Variants in CD58 observed in about 807,000 individuals in gnomAD.
The protein encoded by CD58 is lymphocyte function-associated antigen 3.
CD58 carries 14 observed loss-of-function variants against 27.6 expected under a neutral mutation model. The observed-to-expected ratio is 0.51, with a 90% CI of 0.34 to 0.79. The LOEUF (loss-of-function observed/expected upper bound fraction) is 0.79. CD58 is among the 30% of genes least tolerant of loss of function. The pLI, the probability that CD58 is intolerant of heterozygous loss-of-function variation, is 0.02. For missense variants in CD58, 268 were observed against 301.7 expected (o/e 0.89, Z 0.83); for synonymous variants, 117 against 103.8 (o/e 1.13, Z -0.77).
rs770492818 is a variant in CD58 at position 116,519,303 on chromosome 1, C to T, written c.707-36G>A. ...AGAAATTGTCTTCTCAATTAAAGAACTGAAAAGAAAAGGTGAAATGTGGAG... is the reference window on the plus strand; with the variant it reads ...AGAAATTGTCTTCTCAATTAAAGAATTGAAAAGAAAAGGTGAAATGTGGAG... On this transcript the variant is annotated intron_variant, in intron 4 of 5. Coordinates refer to ENST00000369489, the MANE Select transcript of CD58 (RefSeq NM_001779.3). This position sits in a 1 kb window ranked among gnomAD's most constrained non-coding sequence, Gnocchi z 4.7. 2 of 1,592,966 alleles carry T rather than the reference C, an allele frequency of 1.3e-6. No homozygotes were observed. Among genetic ancestry groups the T allele is most frequent in the Non-Finnish European group, 1.7e-6 (2 of 1,164,894 alleles).
intron 2 of CD58, among the ~76,000 whole-genome samples, chr1:116,537,002 T>C (rs1248408052): frequency 1.3e-5 from 2 of 152,184 alleles, no homozygotes; most frequent in African/African-American, 4.8e-5. Context: ...ATGGCTATAC[T>C]CCCAGCACTT....
Position 116,521,992 on chromosome 1 carries a change from A to C in CD58, c.629-9T>G, listed in dbSNP as rs1657276763. 1.4e-6 allele frequency: 2 copies of C among 1,431,606 alleles called. No individual in the cohort carries two copies. Among genetic ancestry groups the C allele is most frequent in the Non-Finnish European group, 1.9e-6 (2 of 1,028,486 alleles). 88.7% of individuals were successfully genotyped at this position (1,431,606 alleles called of 1,614,324 possible). A position where few individuals can be genotyped will look rare whatever the true frequency, so the allele number is the denominator to read the frequency against. ...TCTGTGTCTTGAATGACCTATAAAA[A>C]AGAAAAGAAAAGAAATTCAACTAGT... is the stretch of plus-strand genomic sequence containing the variant. On this transcript the variant is annotated splice_polypyrimidine_tract_variant and intron_variant, in intron 3 of 5. Transcript: ENST00000369489. The surrounding 1 kb of genome is among the most constrained non-coding windows in gnomAD (Gnocchi z 5.6).
intron 1 of CD58, among the ~76,000 whole-genome samples, chr1:116,549,306 G>T (rs1242949576): frequency 2.6e-5 from 4 of 152,180 alleles, no homozygotes; most frequent in Non-Finnish European, 5.9e-5. Context: ...CTAACAAGGG[G>T]TTAGGGAAGG....
chr1:116,532,905 A>C lies in CD58; in HGVS notation c.628+3060T>G. ...CCCGCTACAGGCCCGGAGTCGCGAC[A>C]GCCGGTCTGCCAGGCGCCCACCTCC... is the stretch of plus-strand genomic sequence containing the variant. On this transcript the variant is annotated intron_variant, in intron 3 of 5. Coordinates refer to ENST00000369489, the MANE Select transcript of CD58 (RefSeq NM_001779.3). This position sits in a 1 kb window ranked among gnomAD's most constrained non-coding sequence, Gnocchi z 5.1. The C allele has an allele frequency of 1.0e-6, 1 of 993,718 alleles. No individual in the cohort carries two copies. Among genetic ancestry groups the C allele is most frequent in the South Asian group, 1.4e-5 (1 of 73,270 alleles). 61.6% of individuals were successfully genotyped at this position (993,718 alleles called of 1,614,324 possible). A position where few individuals can be genotyped will look rare whatever the true frequency, so the allele number is the denominator to read the frequency against.
Position 116,532,932 on chromosome 1 carries a change from C to T in CD58, c.628+3033G>A. 9.3e-7 allele frequency: 1 copy of T among 1,073,432 alleles called. No homozygotes were observed. The highest frequency in any genetic ancestry group is 1.4e-6 in the Non-Finnish European group (1 of 732,082). The allele number at this position is 1,073,432 out of a possible 1,614,324, so 66.5% of individuals were successfully genotyped here. A position where few individuals can be genotyped will look rare whatever the true frequency, so the allele number is the denominator to read the frequency against. On this transcript the variant is annotated intron_variant, in intron 3 of 5. Coordinates refer to ENST00000369489, the MANE Select transcript of CD58 (RefSeq NM_001779.3). This position sits in a 1 kb window ranked among gnomAD's most constrained non-coding sequence, Gnocchi z 5.1. ...CCGGTCTGCCAGGCGCCCACCTCCA[C>T]TTCCTACTGCTGCTTGCATTCCGCC...
intron 2 of CD58, among the ~76,000 whole-genome samples, chr1:116,542,708 G>A (rs547341452): frequency 2.6e-5 from 4 of 152,152 alleles, no homozygotes; most frequent in Non-Finnish European, 4.4e-5. Flanking sequence ...TGATATTCCC[G>A]AGGACGGCAA....
At chr1:116,540,090 G>C (rs1480930241) in intron 2 of CD58, among the ~76,000 whole-genome samples, 1 of 152,086 alleles carries the variant, frequency 6.6e-6, no homozygotes, top group African/African-American at 2.4e-5. Context: ...ATGTGATGAA[G>C]GTCCATAAAA....
chr1:116,547,825 C>T (rs574381855), intron 1 of CD58, among the ~76,000 whole-genome samples: 1 of 151,982 alleles, frequency 6.6e-6, no homozygotes, highest in African/African-American at 2.4e-5. Flanking sequence ...GGGTAGATAC[C>T]CAGTAATGGG....
In CD58 at chr1:116,536,652, G is replaced by A. The variant is rs915182946; in HGVS notation, c.365-424C>T. 3.3e-5 allele frequency among the ~76,000 whole-genome samples: 5 copies of A among 152,176 alleles called. No homozygotes were observed. Among genetic ancestry groups the A allele is most frequent in the East Asian group, 1.9e-4 (1 of 5,190 alleles). ...TGAAAAAAGTGCTTGCTTCTCCTTC[G>A]CCTTCTGCCATGATTGTAAGTTTCC... On this transcript the variant is annotated intron_variant, in intron 2 of 5. Transcript: ENST00000369489. This position sits in a 1 kb window ranked among gnomAD's most constrained non-coding sequence, Gnocchi z 5.4.
chr1:116,565,491 C>G (rs1483905245), intron 1 of CD58, among the ~76,000 whole-genome samples: 1 of 152,052 alleles, frequency 6.6e-6, no homozygotes, highest in Non-Finnish European at 1.5e-5. Flanking sequence ...GTAATACTAA[C>G]CAGCAGAGGG....
In CD58 at chr1:116,519,306, A is replaced by C; in HGVS notation, c.707-39T>G. On this transcript the variant is annotated intron_variant, in intron 4 of 5. Coordinates refer to ENST00000369489, the MANE Select transcript of CD58 (RefSeq NM_001779.3). The surrounding 1 kb of genome is among the most constrained non-coding windows in gnomAD (Gnocchi z 4.7). ...AATTGTCTTCTCAATTAAAGAACTG[A>C]AAAGAAAAGGTGAAATGTGGAGTTA... 2 of 1,588,384 alleles carry C rather than the reference A, an allele frequency of 1.3e-6. No individual in the cohort carries two copies. Among genetic ancestry groups the C allele is most frequent in the Non-Finnish European group, 8.6e-7 (1 of 1,161,256 alleles).
At chr1:116,551,650 C>G (rs1658397092) in intron 1 of CD58, among the ~76,000 whole-genome samples, 1 of 151,178 alleles carries the variant, frequency 6.6e-6, no homozygotes, top group South Asian at 2.1e-4. Flanking sequence ...CCTTCAAGAA[C>G]TTTTCCTTTG....
In CD58 at chr1:116,531,555, G is replaced by A. The variant is rs976681565; in HGVS notation, c.628+4410C>T. On this transcript the variant is annotated intron_variant, in intron 3 of 5. Transcript: ENST00000369489. The surrounding 1 kb of genome is among the most constrained non-coding windows in gnomAD (Gnocchi z 4.5). ...TTGGGTATTATGTAACACTCAAAAGGTGGAATTAATAAAGGAATGTTTGCT... is the reference window on the plus strand; with the variant it reads ...TTGGGTATTATGTAACACTCAAAAGATGGAATTAATAAAGGAATGTTTGCT... Among the ~76,000 whole-genome samples, 1 of 152,114 alleles carries A rather than the reference G, an allele frequency of 6.6e-6. No individual in the cohort carries two copies. The highest frequency in any genetic ancestry group is 2.4e-5 in the African/African-American group (1 of 41,416).
rs562099011 is a variant in CD58 at position 116,548,230 on chromosome 1, T to A, written c.71-3626A>T. Among the ~76,000 whole-genome samples, 3 of 152,360 alleles carry A rather than the reference T, an allele frequency of 2.0e-5. No individual in the cohort carries two copies. The South Asian group carries it at 6.2e-4, about 32-fold the overall frequency. ...CTTTGTCAGATACATAGTTTGTGAA[T>A]ATTTTCTCCCACTTTGTGGGTTGTG... On this transcript the variant is annotated intron_variant, in intron 1 of 5. Coordinates refer to ENST00000369489, the MANE Select transcript of CD58 (RefSeq NM_001779.3).
In CD58 at chr1:116,563,766, A is replaced by T. The variant is rs1658844783; in HGVS notation, c.70+7137T>A. 6.6e-6 allele frequency among the ~76,000 whole-genome samples: 1 copy of T among 152,206 alleles called. No individual in the cohort carries two copies. The highest frequency in any genetic ancestry group is 1.5e-5 in the Non-Finnish European group (1 of 68,028). ...CAAAGAGCAGGGGGGCCCTGGGTCC[A>T]GCCCATGAAACAATTTTTCCCTCCA... is the stretch of plus-strand genomic sequence containing the variant. On this transcript the variant is annotated intron_variant, in intron 1 of 5. Coordinates refer to ENST00000369489, the MANE Select transcript of CD58 (RefSeq NM_001779.3). This position sits in a 1 kb window ranked among gnomAD's most constrained non-coding sequence, Gnocchi z 4.1.
rs900006876 is a variant in CD58 at position 116,536,505 on chromosome 1, T to A, written c.365-277A>T. ...CCCATGTGTCGAGAGAGGGACCTGG[T>A]GGGAGGTGATTGTACCATGGGGGAT... On this transcript the variant is annotated intron_variant, in intron 2 of 5. Transcript: ENST00000369489. The surrounding 1 kb of genome is among the most constrained non-coding windows in gnomAD (Gnocchi z 5.4). Among the ~76,000 whole-genome samples, 15 of 152,244 alleles carry A rather than the reference T, an allele frequency of 9.9e-5. No individual in the cohort carries two copies. Among genetic ancestry groups the A allele is most frequent in the African/African-American group, 2.6e-4 (11 of 41,562 alleles).
Position 116,551,284 on chromosome 1 carries a change from C to T in CD58, c.71-6680G>A, listed in dbSNP as rs1178915784. ...AGGTTGTTTTGTCTACATTGAAAAT[C>T]TGTTGTTTCATGTATCCTGCACCAG... On this transcript the variant is annotated intron_variant, in intron 1 of 5. Transcript: ENST00000369489. 6.6e-5 allele frequency among the ~76,000 whole-genome samples: 10 copies of T among 152,240 alleles called. No individual in the cohort carries two copies. In the East Asian group the frequency reaches 1.7e-3, roughly 26 times the overall value.
In CD58 at chr1:116,571,004, C is replaced by T; in HGVS notation, c.-32G>A. 1 of 1,514,820 alleles carries T rather than the reference C, an allele frequency of 6.6e-7. No individual in the cohort carries two copies. The highest frequency in any genetic ancestry group is 8.8e-7 in the Non-Finnish European group (1 of 1,131,302). 93.8% of individuals were successfully genotyped at this position (1,514,820 alleles called of 1,614,324 possible). The stretch of plus-strand genomic sequence containing the variant: ...TCGGGCCGGCCTCTGCGCGAGTGCC[C>T]AGCCACAAGCAGCCCTAAGTTCAAG... On this transcript the variant is annotated 5_prime_UTR_variant, in exon 1 of 6. Coordinates refer to ENST00000369489, the MANE Select transcript of CD58 (RefSeq NM_001779.3).
rs1657214052 is a variant in CD58, at chr1:116,519,898, T to C, written c.707-631A>G. ...GCTCCCACACATGCATGCATCACTT[T>C]CCTGCCCACAGTAGGCATCCGCCTG... On this transcript the variant is annotated intron_variant, in intron 4 of 5. Transcript: ENST00000369489. This position sits in a 1 kb window ranked among gnomAD's most constrained non-coding sequence, Gnocchi z 4.7. 1.3e-5 allele frequency among the ~76,000 whole-genome samples: 2 copies of C among 152,204 alleles called. No homozygotes were observed. The highest frequency in any genetic ancestry group is 2.1e-4 in the South Asian group (1 of 4,830).
Sources: allele counts gnomAD v4.1 joint callset (sites outside exome capture counted in the v4.1 genomes callset), GRCh38; gene constraint gnomAD v4.1.1; non-coding constraint Gnocchi (gnomAD v3.1); transcripts MANE v1.5; gene names NCBI Gene and HGNC (gene_info 2026-07-23, HGNC 2026-07-21).